PDCD2L: variants seen among roughly 807,000 people sequenced by gnomAD.
PDCD2L encodes programmed cell death 2 like, also known as uS5 assembly chaperone PDCD2L.
A neutral mutation model predicts 40.4 loss-of-function variants in PDCD2L; 44 were observed. The ratio of observed to expected loss-of-function variants is 1.09; its 90% CI spans 0.86 to 1.40. PDCD2L has a LOEUF of 1.40. Ranked by LOEUF, PDCD2L falls within the 40% of genes most tolerant of loss-of-function variation. PDCD2L has a pLI of 0.00. For missense variants in PDCD2L, 470 were observed against 453.7 expected (o/e 1.04, Z -0.33); for synonymous variants, 194 against 174.6 (o/e 1.11, Z -0.88).
intron 5 of PDCD2L, among the ~76,000 whole-genome samples, chr19:34,417,233 ATAAAG>A (rs1366931729): frequency 6.6e-6 from 1 of 152,246 alleles, no homozygotes; most frequent in East Asian, 1.9e-4. Context: ...AGGTGAGAAA[ATAAAG>A]TAACTATGTA....
At position 34,413,867 on chromosome 19, in the gene PDCD2L, CT is replaced by C; in HGVS notation, c.797+24del. The C allele has an allele frequency of 7.2e-7, 1 of 1,396,350 alleles. No homozygotes were observed. The highest frequency in any genetic ancestry group is 1.0e-6 in the Non-Finnish European group (1 of 998,128). 86.5% of individuals were successfully genotyped at this position (1,396,350 alleles called of 1,614,324 possible). On this transcript the variant is annotated intron_variant, in intron 5 of 6. Transcript: ENST00000246535. ...TTTGAGGTAAAAAAAGGCACAGTTC[CT>C]TTTATTGTTTTCCTTGATTATAAAG...
At chr19:34,420,105 C>A (rs11673335) in intron 5 of PDCD2L, among the ~76,000 whole-genome samples, 1 of 151,758 alleles carries the variant, frequency 6.6e-6, no homozygotes, top group African/African-American at 2.4e-5. Context: ...CAGCCGCGGC[C>A]TCAGCCTCCC....
At chr19:34,414,686 C>T (rs1416644426) in intron 5 of PDCD2L, among the ~76,000 whole-genome samples, 1 of 151,840 alleles carries the variant, frequency 6.6e-6, no homozygotes, top group Non-Finnish European at 1.5e-5. Context: ...AATGGTATTT[C>T]ACCATGTTGG....
intron 6 of PDCD2L, among the ~76,000 whole-genome samples, chr19:34,424,745 A>AT (rs34350684): frequency 0.022 from 2,845 of 130,650 alleles, 137 homozygotes; most frequent in African/African-American, 0.067. Flanking sequence ...CCATTTTTTC[A>AT]TTTTTTTTTT....
chr19:34,416,879 G>A (rs1042180583), intron 5 of PDCD2L, among the ~76,000 whole-genome samples: 20 of 152,218 alleles, frequency 1.3e-4, no homozygotes, highest in African/African-American at 4.8e-4. Flanking sequence ...ACTTTGGGAG[G>A]CCGAGGCGGG....
chr19:34,416,951 T>C (rs976537171), intron 5 of PDCD2L, among the ~76,000 whole-genome samples: 1 of 151,920 alleles, frequency 6.6e-6, no homozygotes, highest in African/African-American at 2.4e-5. Flanking sequence ...CTGTCTCTAC[T>C]AAAAATACAA....
chr19:34,422,899 TA>T (rs1184171178), intron 6 of PDCD2L, among the ~76,000 whole-genome samples: 1 of 151,968 alleles, frequency 6.6e-6, no homozygotes, highest in Non-Finnish European at 1.5e-5. Flanking sequence ...TTTGTATTTT[TA>T]GTAGAGACGG....
intron 4 of PDCD2L, among the ~76,000 whole-genome samples, chr19:34,410,762 T>TTTTTTTTATTTATTTATTTA (rs1555724391): frequency 4.8e-5 from 7 of 146,246 alleles, no homozygotes; most frequent in African/African-American, 1.8e-4. Flanking sequence ...ACTTTTTATT[T>TTTTTTTTATTTATTTATTTA]TTTATTTATT....
chr19:34,421,452 A>G, intron 5 of PDCD2L, 67 bp from the exon 6 acceptor site: 2 of 1,555,806 alleles, frequency 1.3e-6, no homozygotes, highest in Non-Finnish European at 8.8e-7. Flanking sequence ...GTTGCAAAGC[A>G]TGGCCTTAGA....
intron 3 of PDCD2L, among the ~76,000 whole-genome samples, chr19:34,407,068 C>G (rs898910033): frequency 6.0e-5 from 9 of 150,568 alleles, no homozygotes; most frequent in Non-Finnish European, 1.2e-4. Flanking sequence ...AACTCCTGAC[C>G]TCAGGCAACC....
rs1165853637 is a variant in PDCD2L, at chr19:34,406,862, C to T, written c.336+1872C>T. 4.1e-5 allele frequency among the ~76,000 whole-genome samples: 4 copies of T among 97,774 alleles called. No homozygotes were observed. In the East Asian group the frequency reaches 9.5e-4, roughly 23 times the overall value. 64.1% of individuals were successfully genotyped at this position (97,774 alleles called of 152,430 possible). A position where few individuals can be genotyped will look rare whatever the true frequency, so the allele number is the denominator to read the frequency against. ...TTTTTTTTTTTTTGAGACCGAGTTT[C>T]GCTCTTGTTGCCCATGCTGGAGTGC... On this transcript the variant is annotated intron_variant, in intron 3 of 6. Coordinates refer to ENST00000246535, the MANE Select transcript of PDCD2L (RefSeq NM_032346.2).
chr19:34,418,880 C>T (rs2075136707), intron 5 of PDCD2L, among the ~76,000 whole-genome samples: 1 of 152,156 alleles, frequency 6.6e-6, no homozygotes, highest in Non-Finnish European at 1.5e-5. Context: ...TGATGTTGAG[C>T]ATCATTTCAA....
chr19:34,410,848 G>A (rs555264262), intron 4 of PDCD2L, among the ~76,000 whole-genome samples: 323 of 150,610 alleles, frequency 2.1e-3, no homozygotes, highest in African/African-American at 7.4e-3. Flanking sequence ...GCAGTGGTGC[G>A]ATCTCGGCTC....
At chr19:34,404,583 G>A in intron 1 of PDCD2L, 45 bp downstream of exon 1, 1 of 1,583,258 alleles carries the variant, frequency 6.3e-7, no homozygotes, top group Non-Finnish European at 8.6e-7. Context: ...GCTGCTGAAG[G>A]GTGCGGAGGG....
Position 34,404,668 on chromosome 19 carries a change from C to T in PDCD2L, c.128C>T (p.Ala43Val), listed in dbSNP as rs1365405729. 6.2e-7 allele frequency: 1 copy of T among 1,611,366 alleles called. No homozygotes were observed. The highest frequency in any genetic ancestry group is 1.3e-5 in the African/African-American group (1 of 74,922). The change falls in exon 2 of 7, where the codon GCT (alanine) becomes GTT (valine). Residue 43 changes from alanine (A) to valine (V), a missense_variant. Coordinates refer to ENST00000246535, the MANE Select transcript of PDCD2L (RefSeq NM_032346.2). Reference protein sequence around the residue: ...GGIPDALPTVAAPRPVCQRCG... With the variant: ...GGIPDALPTVVAPRPVCQRCG... ...CCTCAGGATGCTCTGCCCACCGTGG[C>T]TGCGCCCAGGCCCGTGTGTCAGCGC...
At position 34,404,689 on chromosome 19, in the gene PDCD2L, A is replaced by G; in HGVS notation, c.149A>G (p.Gln50Arg). 1.2e-6 allele frequency: 2 copies of G among 1,612,138 alleles called. No homozygotes were observed. The highest frequency in any genetic ancestry group is 1.1e-5 in the South Asian group (1 of 91,060). Residue 50 changes from glutamine to arginine, a missense_variant, in exon 2 of 7, where the codon CAG (glutamine) becomes CGG (arginine). Transcript: ENST00000246535. Reference sequence around the variant, plus strand: ...GTGGCTGCGCCCAGGCCCGTGTGTCAGCGCTGCGGGCAGCCGCTCGCTCTG... The same window carrying G: ...GTGGCTGCGCCCAGGCCCGTGTGTCGGCGCTGCGGGCAGCCGCTCGCTCTG... ...PTVAAPRPVC[Q>R]RCGQPLALVV...
chr19:34,421,874 G>A (rs1241926428), intron 6 of PDCD2L: 3 of 437,594 alleles, frequency 6.9e-6, no homozygotes, highest in African/African-American at 4.1e-5. Flanking sequence ...TGGATCACAA[G>A]GTCAGGAGAT....
At chr19:34,406,388 ATT>A (rs1163012080) in intron 3 of PDCD2L, among the ~76,000 whole-genome samples, 11 of 141,394 alleles carry the variant, frequency 7.8e-5, no homozygotes, top group Admixed American at 7.1e-5. Context: ...CAATACTCTT[ATT>A]TTTTTTTTTT....
chr19:34,420,225 G>A (rs547784171), intron 5 of PDCD2L, among the ~76,000 whole-genome samples: 142 of 151,506 alleles, frequency 9.4e-4, no homozygotes, highest in Non-Finnish European at 1.7e-3. Flanking sequence ...TCCTGTCCTC[G>A]AGTGATTCAC....
Sources: gnomAD v4.1 joint callset for allele counts (sites outside exome capture counted in the v4.1 genomes callset) on GRCh38, gnomAD v4.1.1 for gene constraint, MANE v1.5 for transcripts, NCBI Gene and HGNC (gene_info 2026-07-23, HGNC 2026-07-21) for gene names.